ZNF438: variants seen among roughly 807,000 people sequenced by gnomAD.
ZNF438 encodes the protein zinc finger protein 438.
In ZNF438, 25 loss-of-function variants were observed where a neutral mutation model predicts 38.0. The ratio of observed to expected loss-of-function variants is 0.66; its 90% CI spans 0.48 to 0.92. The LOEUF is 0.92. Ranked by LOEUF, ZNF438 falls within the 40% of genes least tolerant of loss-of-function variation. The probability of loss-of-function intolerance (pLI) is 0.00; values close to 1 mark genes in which losing one functional copy is unlikely to be tolerated. For synonymous variants in ZNF438, 372 were observed against 364.1 expected (o/e 1.02, Z -0.25); for missense variants, 1,007 against 999.6 (o/e 1.01, Z -0.10).
chr10:30,913,705 A>AG (rs1350044527), intron 2 of ZNF438, among the ~76,000 whole-genome samples: 2 of 152,252 alleles, frequency 1.3e-5, no homozygotes, highest in African/African-American at 4.8e-5. Flanking sequence ...AGAATTACTT[A>AG]GGTAACAATA....
chr10:30,860,299 T>A (rs1031600725), intron 4 of ZNF438, among the ~76,000 whole-genome samples: 1 of 152,160 alleles, frequency 6.6e-6, no homozygotes, highest in Non-Finnish European at 1.5e-5. Flanking sequence ...TTAGATGACA[T>A]CCCTTTTGTT....
At chr10:30,853,600 T>C (rs765360451) in intron 4 of ZNF438, among the ~76,000 whole-genome samples, 1 of 152,230 alleles carries the variant, frequency 6.6e-6, no homozygotes, top group Non-Finnish European at 1.5e-5. Flanking sequence ...TTTGCACAAA[T>C]GGCTTCTTCT....
exon 6 of ZNF438, chr10:30,845,325 C>A: frequency 6.2e-7 from 1 of 1,614,174 alleles, no homozygotes; most frequent in Non-Finnish European, 8.5e-7. Context: ...CTCCGGCTTC[C>A]CTCTCTCAGG....
rs373113030 is a variant in ZNF438, at chr10:30,925,130, A to G, written c.-114-16115T>C. On this transcript the variant is annotated intron_variant, in intron 2 of 5. Transcript: ENST00000413025. The stretch of plus-strand genomic sequence containing the variant: ...ATATAGACAATTAAGTCATTTGCCA[A>G]TAATGACAGTGTTTTTCTCCTTTTC... Among the ~76,000 whole-genome samples the G allele has an allele frequency of 8.5e-5, 13 of 152,330 alleles. No individual in the cohort carries two copies. In the East Asian group the frequency reaches 1.9e-3, roughly 23 times the overall value.
intron 1 of ZNF438, among the ~76,000 whole-genome samples, chr10:30,942,372 T>A (rs1230203611): frequency 6.6e-6 from 1 of 152,238 alleles, no homozygotes; most frequent in Non-Finnish European, 1.5e-5. Flanking sequence ...TTTTCAAGTG[T>A]AAGTTACCAT....
At chr10:30,949,862 T>C (rs1231913130) in intron 1 of ZNF438, among the ~76,000 whole-genome samples, 1 of 152,036 alleles carries the variant, frequency 6.6e-6, no homozygotes, top group East Asian at 1.9e-4. Context: ...AACAAGGATA[T>C]CCAGGAATTG....
At position 30,961,716 on chromosome 10, in the gene ZNF438, G is replaced by A. The variant is rs1354441801; in HGVS notation, c.-191-20065C>T. ...AGCCTGGCCAACATGGTGAAACCCC[G>A]TCTCTATTAAAAATACAAGAGATTG... On this transcript the variant is annotated intron_variant, in intron 1 of 5. Transcript: ENST00000413025. 4.8e-5 allele frequency among the ~76,000 whole-genome samples: 7 copies of A among 145,086 alleles called. 1 individual carries two copies. Among genetic ancestry groups the A allele is most frequent in the East Asian group, 1.9e-4 (1 of 5,174 alleles).
intron 1 of ZNF438, among the ~76,000 whole-genome samples, chr10:30,971,061 T>A (rs1462540389): frequency 6.6e-6 from 1 of 152,200 alleles, no homozygotes; most frequent in Non-Finnish European, 1.5e-5. Context: ...TTAGCAATTT[T>A]AAAAAATCAT....
At chr10:30,848,984 A>G in exon 5 of ZNF438, 1 of 1,614,166 alleles carries the variant, frequency 6.2e-7, no homozygotes. Flanking sequence ...TTTAGGAGTG[A>G]GTGAATTATT....
At chr10:30,966,356 T>A (rs2050111665) in intron 1 of ZNF438, among the ~76,000 whole-genome samples, 1 of 151,826 alleles carries the variant, frequency 6.6e-6, no homozygotes, top group South Asian at 2.1e-4. Context: ...TGATTTTAAA[T>A]AGGCAAACTT....
rs140135024 is a variant in ZNF438 at position 30,845,215 on chromosome 10, C to T, written c.2233G>A (p.Gly745Arg). ...GGCTTGTTGGTTCCTGACTGGGGTC[C>T]TTCATTTTCCATGAGCATTTCCACG... is the stretch of plus-strand genomic sequence containing the variant. Residue 745 changes from glycine (G) to arginine (R), a missense_variant, in exon 6 of 6, where the codon GGA (glycine) becomes AGA (arginine). Transcript: ENST00000413025. 1.1e-4 allele frequency: 185 copies of T among 1,614,164 alleles called. 1 individual carries two copies. The African/African-American group carries it at 2.2e-3, about 19-fold the overall frequency.
At chr10:30,912,455 T>C (rs769373602) in intron 2 of ZNF438, among the ~76,000 whole-genome samples, 8 of 152,182 alleles carry the variant, frequency 5.3e-5, no homozygotes, top group East Asian at 1.9e-4. Context: ...GTAAACATCA[T>C]GTCTCACTTT....
chr10:30,905,886 T>G lies in ZNF438; in HGVS notation c.-32+3047A>C, dbSNP rs569994090. On this transcript the variant is annotated intron_variant, in intron 3 of 5. Coordinates refer to ENST00000413025, the Ensembl canonical transcript of ZNF438. ...ATCAGTGTACCATAGATGTAACAGT[T>G]TATTTTTAGACCCTTAATTCTATTC... Among the ~76,000 whole-genome samples the G allele has an allele frequency of 5.1e-4, 78 of 152,344 alleles. No homozygotes were observed. In the South Asian group the frequency reaches 0.015, roughly 29 times the overall value.
At chr10:30,856,356 T>A (rs931415085) in intron 4 of ZNF438, among the ~76,000 whole-genome samples, 4 of 152,216 alleles carry the variant, frequency 2.6e-5, no homozygotes, top group African/African-American at 9.6e-5. Context: ...CCAGTTATGC[T>A]AGAATAACTC....
intron 1 of ZNF438, among the ~76,000 whole-genome samples, chr10:30,961,645 G>A (rs2049501591): frequency 1.4e-5 from 2 of 146,424 alleles, no homozygotes; most frequent in African/African-American, 4.9e-5. Context: ...CAAGCACTTT[G>A]GGAAGCCAAG....
intron 1 of ZNF438, among the ~76,000 whole-genome samples, chr10:31,002,820 A>G (rs2054786853): frequency 6.6e-6 from 1 of 152,222 alleles, no homozygotes; most frequent in South Asian, 2.1e-4. Flanking sequence ...TGACCCCTAC[A>G]AAAGAATTAC....
At chr10:30,868,998 T>C (rs897765045) in intron 4 of ZNF438, among the ~76,000 whole-genome samples, 2 of 152,250 alleles carry the variant, frequency 1.3e-5, no homozygotes, top group Non-Finnish European at 2.9e-5. Flanking sequence ...TGAGAGACTC[T>C]GCTGCCAAAC....
chr10:31,019,182 C>T (rs1001583288), intron 1 of ZNF438, among the ~76,000 whole-genome samples: 2 of 152,192 alleles, frequency 1.3e-5, no homozygotes, highest in African/African-American at 4.8e-5. Flanking sequence ...CAATGGCACC[C>T]TCTGTTCCAA....
chr10:30,998,076 G>T (rs982057484), intron 1 of ZNF438, among the ~76,000 whole-genome samples: 14 of 152,152 alleles, frequency 9.2e-5, no homozygotes, highest in Non-Finnish European at 2.1e-4. Context: ...AACTGATATA[G>T]AAAGAAAGAT....
Sources: allele counts gnomAD v4.1 joint callset (sites outside exome capture counted in the v4.1 genomes callset), GRCh38; gene constraint gnomAD v4.1.1; transcripts MANE v1.5; gene names NCBI Gene and HGNC (gene_info 2026-07-23, HGNC 2026-07-21).